NRXN3: variants seen among roughly 807,000 people sequenced by gnomAD.
NRXN3 encodes the protein neurexin III.
A neutral mutation model predicts 137.6 loss-of-function variants in NRXN3; 32 were observed. The observed-to-expected ratio is 0.23, with a 90% CI of 0.18 to 0.31. The LOEUF (loss-of-function observed/expected upper bound fraction) is 0.31. Among genes scored for constraint, NRXN3 ranks in the 10% least tolerant of loss-of-function variants. The pLI, the probability that NRXN3 is intolerant of heterozygous loss-of-function variation, is 1.00. For synonymous variants in NRXN3, 798 were observed against 784.5 expected, an observed-to-expected ratio of 1.02 and a Z score of -0.29; for missense variants, 1,574 against 2,062.5, an observed-to-expected ratio of 0.76 and a Z score of 4.59.
intron 15 of NRXN3, among the ~76,000 whole-genome samples, chr14:79,267,109 T>C (rs2078560640): frequency 6.6e-6 from 1 of 152,154 alleles, no homozygotes; most frequent in Non-Finnish European, 1.5e-5. Context: ...TGTATGTCAT[T>C]TGTTTTATTT....
intron 20 of NRXN3, among the ~76,000 whole-genome samples, chr14:79,823,150 T>C (rs1302883291): frequency 2.0e-4 from 5 of 25,438 alleles, no homozygotes; most frequent in African/African-American, 4.8e-4. Context: ...CCTGAATGTG[T>C]ATCTACGTCC....
At chr14:78,206,624 C>A (rs897160701) in intron 1 of NRXN3, among the ~76,000 whole-genome samples, 2 of 152,152 alleles carry the variant, frequency 1.3e-5, no homozygotes, top group African/African-American at 4.8e-5. Flanking sequence ...GTTGGTAGGG[C>A]AGCTGGCAGG....
chr14:78,647,648 T>C (rs938592728), intron 5 of NRXN3, among the ~76,000 whole-genome samples: 3 of 152,184 alleles, frequency 2.0e-5, no homozygotes, highest in African/African-American at 4.8e-5. Flanking sequence ...TAATCTTCTG[T>C]GAGAAAGTGA....
chr14:78,198,931 C>A (rs1566952637), intron 1 of NRXN3, among the ~76,000 whole-genome samples: 2 of 152,160 alleles, frequency 1.3e-5, no homozygotes, highest in Non-Finnish European at 2.9e-5. Flanking sequence ...TGAGGGCCAG[C>A]TAATGGGCAT....
At chr14:79,849,926 A>G (rs2099388262) in intron 20 of NRXN3, among the ~76,000 whole-genome samples, 1 of 152,174 alleles carries the variant, frequency 6.6e-6, no homozygotes, top group South Asian at 2.1e-4. Context: ...TCGTTTTGTA[A>G]TGCTGACAAC....
intron 15 of NRXN3, among the ~76,000 whole-genome samples, chr14:79,093,668 A>G (rs147560690): frequency 0.012 from 1,818 of 152,292 alleles, 32 homozygotes; most frequent in African/African-American, 0.042. Context: ...AGCATAAACC[A>G]TGGGTGACAT....
chr14:79,862,210 T>C lies in NRXN3; in HGVS notation c.*246T>C, dbSNP rs2141969755. On this transcript the variant is annotated 3_prime_UTR_variant, in exon 21 of 21. Transcript: ENST00000335750. ...GGTCGCTGGGAGACAGAAGGTTTTGTGCCCTGCTGTATCATAAAGCACACA... is the reference window on the plus strand; with the variant it reads ...GGTCGCTGGGAGACAGAAGGTTTTGCGCCCTGCTGTATCATAAAGCACACA... 2 of 457,094 alleles carry C rather than the reference T, an allele frequency of 4.4e-6. No individual in the cohort carries two copies. Among genetic ancestry groups the C allele is most frequent in the East Asian group, 8.0e-5 (2 of 24,852 alleles). The allele number at this position is 457,094 out of a possible 1,614,324, so 28.3% of individuals were successfully genotyped here.
chr14:78,378,405 A>G (rs191276732), intron 4 of NRXN3, among the ~76,000 whole-genome samples: 1 of 151,332 alleles, frequency 6.6e-6, no homozygotes, highest in East Asian at 2.0e-4. Context: ...GAATCGCTTG[A>G]ACCCGGGACG....
Position 79,238,516 on chromosome 14 carries a change from G to A in NRXN3, c.3263-228705G>A, listed in dbSNP as rs150106637. On this transcript the variant is annotated intron_variant, in intron 15 of 20. Transcript: ENST00000335750. ...TTATCACTAGTTGGAAGTCTTGTAC[G>A]TTCCAAGGTCAAGCGCTGTGATGTG... 4.3e-3 allele frequency among the ~76,000 whole-genome samples: 649 copies of A among 152,100 alleles called. 9 individuals are homozygous for A. The highest frequency in any genetic ancestry group is 4.7e-3 in the Non-Finnish European group (320 of 67,996).
chr14:78,657,136 T>C (rs1320559183), intron 6 of NRXN3, among the ~76,000 whole-genome samples: 1 of 151,112 alleles, frequency 6.6e-6, no homozygotes, highest in African/African-American at 2.4e-5. Context: ...AATTTTAACA[T>C]TACTGCAGAC....
Position 79,542,569 on chromosome 14 carries a change from C to A in NRXN3, c.3444+75167C>A, listed in dbSNP as rs2097283693. ...CTGATAGTTGTAATAGCATTTTCTC[C>A]CGTCTCACTGTAGGGCCTAACCCCA... On this transcript the variant is annotated intron_variant, in intron 16 of 20. Coordinates refer to ENST00000335750, the MANE Select transcript of NRXN3 (RefSeq NM_001330195.2). Among the ~76,000 whole-genome samples, 4 of 152,110 alleles carry A rather than the reference C, an allele frequency of 2.6e-5. No homozygotes were observed. The South Asian group carries it at 8.3e-4, about 32-fold the overall frequency.
At chr14:79,739,070 C>T (rs2098951785) in intron 19 of NRXN3, among the ~76,000 whole-genome samples, 1 of 151,906 alleles carries the variant, frequency 6.6e-6, no homozygotes, top group Non-Finnish European at 1.5e-5. Flanking sequence ...AATAAGTCTC[C>T]TGCCATCCCA....
At chr14:78,187,771 G>C (rs1045946841) in intron 1 of NRXN3, among the ~76,000 whole-genome samples, 2 of 141,706 alleles carry the variant, frequency 1.4e-5, no homozygotes, top group African/African-American at 5.1e-5. Context: ...GAACTATTAG[G>C]ATTTTAGTTG....
At chr14:78,633,486 A>C (rs1039167364) in intron 4 of NRXN3, among the ~76,000 whole-genome samples, 1 of 151,912 alleles carries the variant, frequency 6.6e-6, no homozygotes, top group Non-Finnish European at 1.5e-5. Context: ...ATCCTCTTTC[A>C]CCTATCCATT....
rs182438567 is a variant in NRXN3 at position 78,704,581 on chromosome 14, G to A, written c.1222-4636G>A. On this transcript the variant is annotated intron_variant, in intron 6 of 20. Coordinates refer to ENST00000335750, the MANE Select transcript of NRXN3 (RefSeq NM_001330195.2). ...ATGGACTTGGGTGTGGTTTTTGTGCGTGACTAAGGGGTTTCTGCTTTGTGT... is the reference window on the plus strand; with the variant it reads ...ATGGACTTGGGTGTGGTTTTTGTGCATGACTAAGGGGTTTCTGCTTTGTGT... Among the ~76,000 whole-genome samples the A allele has an allele frequency of 1.1e-4, 17 of 152,250 alleles. No individual in the cohort carries two copies. In the East Asian group the frequency reaches 1.7e-3, roughly 16 times the overall value.
chr14:79,499,065 G>A (rs571360233), intron 16 of NRXN3, among the ~76,000 whole-genome samples: 18 of 152,274 alleles, frequency 1.2e-4, no homozygotes, highest in African/African-American at 4.1e-4. Flanking sequence ...TCTCCTCAAA[G>A]AAGCCAGAAT....
chr14:79,365,589 G>A (rs1444207833), intron 15 of NRXN3, among the ~76,000 whole-genome samples: 5 of 150,708 alleles, frequency 3.3e-5, no homozygotes, highest in Non-Finnish European at 7.4e-5. Context: ...CGCGGTGGCG[G>A]GCGCCTGTAG....
At chr14:79,649,428 T>C (rs146138341) in intron 16 of NRXN3, among the ~76,000 whole-genome samples, 29 of 152,276 alleles carry the variant, frequency 1.9e-4, no homozygotes, top group Admixed American at 1.9e-3. Context: ...TTTATATTTA[T>C]TTTGACTCTA....
intron 15 of NRXN3, among the ~76,000 whole-genome samples, chr14:79,024,301 A>T (rs929217198): frequency 5.3e-5 from 8 of 152,096 alleles, no homozygotes; most frequent in African/African-American, 1.9e-4. Context: ...TTTTCTTCTC[A>T]CCTGTGTGCT....
Sources: allele counts gnomAD v4.1 joint callset (sites outside exome capture counted in the v4.1 genomes callset), GRCh38; gene constraint gnomAD v4.1.1; transcripts MANE v1.5; gene names NCBI Gene and HGNC (gene_info 2026-07-23, HGNC 2026-07-21).